The following F8 variants were observed in gnomAD, a reference collection of about 807,000 sequenced individuals.
The protein encoded by F8 is coagulation factor VIII.
In F8, 12 loss-of-function variants were observed where a neutral mutation model predicts 140.6. The ratio of observed to expected loss-of-function variants is 0.09; its 90% CI spans 0.05 to 0.14. The LOEUF (loss-of-function observed/expected upper bound fraction) is 0.14. Among genes scored for constraint, F8 ranks in the 10% least tolerant of loss-of-function variants. The probability of loss-of-function intolerance (pLI) is 1.00; values close to 1 mark genes in which losing one functional copy is unlikely to be tolerated. For missense variants in F8, 1,354 were observed against 1,720.7 expected, an observed-to-expected ratio of 0.79 and a Z score of 3.77; for synonymous variants, 585 against 614.6, an observed-to-expected ratio of 0.95 and a Z score of 0.71.
chrX:154,955,206 C>T (rs1461911066), intron 11 of F8, among the ~76,000 whole-genome samples: 5 of 64,789 alleles, frequency 7.7e-5, no homozygotes, highest in South Asian at 1.3e-3. Context: ...GACAGGGTGT[C>T]GCTTTGTCAT....
chrX:154,879,607 C>T (rs913150187), intron 22 of F8, among the ~76,000 whole-genome samples: 2 of 112,056 alleles, frequency 1.8e-5, no homozygotes, highest in Non-Finnish European at 3.8e-5. Context: ...TGTAAGTGTT[C>T]TGAGCATGTT....
At chrX:154,974,020 T>G (rs2073472572) in intron 6 of F8, among the ~76,000 whole-genome samples, 1 of 110,824 alleles carries the variant, frequency 9.0e-6, no homozygotes, top group African/African-American at 3.3e-5. Flanking sequence ...GGTTTCACCA[T>G]ATTGCCAGGC....
chrX:154,853,814 A>G (rs1054777844), intron 25 of F8, among the ~76,000 whole-genome samples: 1 of 111,940 alleles, frequency 8.9e-6, no homozygotes, highest in Admixed American at 9.5e-5. Context: ...TTATTTTAAA[A>G]TAGAAGTTTG....
rs78373805 is a variant in F8, at chrX:154,931,576, G to A, written c.2214C>T (p.Tyr738=). Residue 738 remains tyrosine, a synonymous_variant, in exon 14 of 26, where the codon TAC becomes TAT. Coordinates refer to ENST00000360256, the MANE Select transcript of F8 (RefSeq NM_000132.4). ...SSCDKNTGDY[Y]EDSYEDISAY... is the part of the protein sequence containing the mutation. ...CTGAAATATCTTCATAACTGTCCTC[G>A]TAATAATCACCAGTGTTCTTGTCAC... 294 of 1,209,193 alleles carry A rather than the reference G, an allele frequency of 2.4e-4. 2 individuals carry two copies. In the African/African-American group the frequency reaches 4.5e-3, roughly 18 times the overall value.
intron 25 of F8, among the ~76,000 whole-genome samples, chrX:154,848,416 G>C (rs1313137916): frequency 8.9e-6 from 1 of 112,952 alleles, no homozygotes; most frequent in Non-Finnish European, 1.9e-5. Context: ...AGGCCTCCTT[G>C]AGCTGCGGTG....
chrX:154,984,611 G>T, intron 6 of F8, 76 bp downstream of exon 6: 1 of 747,382 alleles, frequency 1.3e-6, no homozygotes, highest in Non-Finnish European at 2.1e-6. Context: ...ATGCCGAGCT[G>T]TTTGTGAACT....
chrX:154,850,134 CTGTT>C (rs1431633305), intron 25 of F8, among the ~76,000 whole-genome samples: 6 of 85,857 alleles, frequency 7.0e-5, no homozygotes, highest in East Asian at 3.8e-4. Flanking sequence ...TTTTTTTTGT[CTGTT>C]TGTTTTTTGA....
intron 6 of F8, among the ~76,000 whole-genome samples, chrX:154,970,279 G>A (rs1557282473): frequency 8.9e-6 from 1 of 111,847 alleles, no homozygotes; most frequent in Non-Finnish European, 1.9e-5. Context: ...GAGAGGAAAC[G>A]GATGCCCAGA....
At chrX:155,000,268 C>T (rs145569043) in intron 1 of F8, among the ~76,000 whole-genome samples, 3 of 112,122 alleles carry the variant, frequency 2.7e-5, no homozygotes, top group Non-Finnish European at 3.8e-5. Flanking sequence ...GGCCTCCTCA[C>T]GCCAAATAAT....
chrX:154,892,736 T>A (rs2072952436), intron 22 of F8, among the ~76,000 whole-genome samples: 1 of 111,125 alleles, frequency 9.0e-6, no homozygotes, highest in Non-Finnish European at 1.9e-5. Context: ...GGGAACAGAG[T>A]ATTACCATCC....
intron 14 of F8, among the ~76,000 whole-genome samples, chrX:154,925,368 T>G (rs1412402414): frequency 8.9e-6 from 1 of 112,088 alleles, no homozygotes; most frequent in Non-Finnish European, 1.9e-5. Flanking sequence ...GAGTCCCTAC[T>G]GGGGTACCAC....
rs2073023423 is a variant in F8, at chrX:154,903,981, T to C, written c.5923A>G (p.Ile1975Val). The change falls in exon 18 of 26, where the codon ATT (isoleucine) becomes GTT (valine). Residue 1975 changes from isoleucine to valine, a missense_variant. Physicochemically the swap from Ile to Val is conservative, Grantham distance 29. This residue lies in a region of F8 where 316 missense variants were observed against 485.4 expected (regional missense o/e 0.65). Coordinates refer to ENST00000360256, the MANE Select transcript of F8 (RefSeq NM_000132.4). ...GTGAACACATGTCCACTGAAATGAA[T>C]AGAATGGATGTTTTCATTGCTGCCC... ...SMGSNENIHSIHFSGHVFTVR... is the reference protein window; with the variant it reads ...SMGSNENIHSVHFSGHVFTVR... The C allele has an allele frequency of 5.0e-6, 6 of 1,209,676 alleles. No individual in the cohort carries two copies. The highest frequency in any genetic ancestry group is 6.7e-6 in the Non-Finnish European group (6 of 893,643).
intron 13 of F8, among the ~76,000 whole-genome samples, chrX:154,934,777 T>C (rs1168934617): frequency 2.7e-5 from 3 of 111,719 alleles, no homozygotes; most frequent in South Asian, 3.7e-4. Flanking sequence ...TATATCTACA[T>C]AAACTTTCTG....
intron 21 of F8, among the ~76,000 whole-genome samples, chrX:154,896,466 A>G (rs933992591): frequency 1.8e-5 from 2 of 108,786 alleles, no homozygotes; most frequent in African/African-American, 6.7e-5. Context: ...CTGCTTCTTG[A>G]CAAACCAAAC....
At chrX:154,984,862 C>T in intron 5 of F8, 59 bp from the exon 6 acceptor site, 1 of 882,348 alleles carries the variant, frequency 1.1e-6, no homozygotes, top group South Asian at 2.0e-5. Context: ...GAATGACCGC[C>T]TCCCCTTTCT....
chrX:154,866,565 T>C (rs186225722), intron 22 of F8, among the ~76,000 whole-genome samples: 32 of 111,457 alleles, frequency 2.9e-4, no homozygotes, highest in African/African-American at 1.0e-3. Flanking sequence ...AAACTACAAA[T>C]CAATAACAAT....
intron 6 of F8, among the ~76,000 whole-genome samples, chrX:154,971,061 T>C (rs1557282528): frequency 9.0e-6 from 1 of 111,479 alleles, no homozygotes; most frequent in East Asian, 2.8e-4. Context: ...GGTTGCTGAA[T>C]CTCCCAAATT....
At chrX:155,002,948 T>C (rs1295188371) in intron 1 of F8, among the ~76,000 whole-genome samples, 6 of 112,017 alleles carry the variant, frequency 5.4e-5, no homozygotes, top group Non-Finnish European at 1.1e-4. Flanking sequence ...ATTAGTGATG[T>C]TGAGCATCTT....
At chrX:154,956,143 G>T (rs1477010342) in intron 11 of F8, among the ~76,000 whole-genome samples, 3 of 112,078 alleles carry the variant, frequency 2.7e-5, no homozygotes, top group African/African-American at 9.7e-5. Flanking sequence ...ACTCTGTTCT[G>T]CCTGGCCCTG....
Sources: allele counts gnomAD v4.1 joint callset (sites outside exome capture counted in the v4.1 genomes callset), GRCh38; gene constraint gnomAD v4.1.1; regional missense constraint gnomAD v4.1.1; transcripts MANE v1.5; gene names NCBI Gene and HGNC (gene_info 2026-07-23, HGNC 2026-07-21).